The following ERI3 variants were observed in gnomAD, a reference collection of about 807,000 sequenced individuals.
The protein encoded by ERI3 is ERI1 exoribonuclease 3.
In ERI3, 18 loss-of-function variants were observed where a neutral mutation model predicts 44.4. The ratio of observed to expected loss-of-function variants is 0.41; its 90% CI spans 0.28 to 0.60. ERI3 has a LOEUF of 0.60. ERI3 is among the 20% of genes least tolerant of loss of function. ERI3 has a pLI of 0.36. For missense variants in ERI3, 294 were observed against 435.5 expected (o/e 0.68, Z 2.89); for synonymous variants, 183 against 164.8 (o/e 1.11, Z -0.84).
chr1:44,235,576 G>C lies in ERI3; in HGVS notation c.931+12363C>G, dbSNP rs1039202229. 3.3e-5 allele frequency among the ~76,000 whole-genome samples: 5 copies of C among 152,156 alleles called. No individual in the cohort carries two copies. The East Asian group carries it at 9.6e-4, about 29-fold the overall frequency. ...AAGGACTAGAGGAAAAGAAAGAGGGGCAAGATCACACGCAAACCTACTCCA... is the reference window on the plus strand; with the variant it reads ...AAGGACTAGAGGAAAAGAAAGAGGGCCAAGATCACACGCAAACCTACTCCA... On this transcript the variant is annotated intron_variant, in intron 8 of 8. Coordinates refer to ENST00000372257, the MANE Select transcript of ERI3 (RefSeq NM_024066.3). The surrounding 1 kb of genome is among the most constrained non-coding windows in gnomAD (Gnocchi z 4.6).
chr1:44,285,784 G>A (rs958301394), intron 6 of ERI3, among the ~76,000 whole-genome samples: 1 of 152,220 alleles, frequency 6.6e-6, no homozygotes, highest in Non-Finnish European at 1.5e-5. Context: ...TTAAGTTGGA[G>A]TATGGGGGCA....
At chr1:44,318,710 G>A (rs866097278) in intron 4 of ERI3, among the ~76,000 whole-genome samples, 3 of 152,216 alleles carry the variant, frequency 2.0e-5, no homozygotes, top group Non-Finnish European at 4.4e-5. Flanking sequence ...GACTGTTTGG[G>A]ATAACTCAAG....
chr1:44,237,246 G>C (rs370545345), intron 8 of ERI3, among the ~76,000 whole-genome samples: 1 of 152,154 alleles, frequency 6.6e-6, no homozygotes, highest in East Asian at 1.9e-4. Context: ...TCCCACAAAG[G>C]AGCATCTCTC....
At chr1:44,236,493 A>G (rs975818811) in intron 8 of ERI3, among the ~76,000 whole-genome samples, 1 of 152,228 alleles carries the variant, frequency 6.6e-6, no homozygotes, top group African/African-American at 2.4e-5. Flanking sequence ...AGTCAGGGAA[A>G]GCATTCCTGA....
intron 3 of ERI3, among the ~76,000 whole-genome samples, chr1:44,326,344 G>A (rs371038114): frequency 4.2e-4 from 64 of 152,186 alleles, no homozygotes; most frequent in Non-Finnish European, 5.9e-4. Flanking sequence ...AAGAGGGTAA[G>A]TTGGATGGGA....
At chr1:44,273,352 A>G (rs1645123485) in intron 7 of ERI3, among the ~76,000 whole-genome samples, 1 of 152,206 alleles carries the variant, frequency 6.6e-6, no homozygotes, top group Non-Finnish European at 1.5e-5. Flanking sequence ...CCTAAGATAC[A>G]TGGTCTGGAG....
rs576962670 is a variant in ERI3, at chr1:44,307,451, T to C, written c.758+859A>G. The stretch of plus-strand genomic sequence containing the variant: ...CACACACAGAGACACACACACGGAA[T>C]ACTTGCTGCTACCTTCAGTCACAAT... On this transcript the variant is annotated intron_variant, in intron 6 of 8. Transcript: ENST00000372257. Among the ~76,000 whole-genome samples, 10 of 152,186 alleles carry C rather than the reference T, an allele frequency of 6.6e-5. 2 individuals are homozygous for C. Among genetic ancestry groups the C allele is most frequent in the African/African-American group, 2.4e-4 (10 of 41,516 alleles).
At chr1:44,287,512 AC>A (rs1244388524) in intron 6 of ERI3, among the ~76,000 whole-genome samples, 1 of 152,244 alleles carries the variant, frequency 6.6e-6, no homozygotes, top group Non-Finnish European at 1.5e-5. Flanking sequence ...CTACTCTCAA[AC>A]ATCCAAGTGG....
rs149604480 is a variant in ERI3, at chr1:44,299,180, T to C, written c.758+9130A>G. ...TATTTATGCATCTGTACCTATTTCA[T>C]ACCTCAATTTTTTTTTTTAAGAGAC... On this transcript the variant is annotated intron_variant, in intron 6 of 8. Coordinates refer to ENST00000372257, the MANE Select transcript of ERI3 (RefSeq NM_024066.3). 1.2e-3 allele frequency among the ~76,000 whole-genome samples: 188 copies of C among 152,028 alleles called. 1 individual carries two copies. Among genetic ancestry groups the C allele is most frequent in the African/African-American group, 4.4e-3 (184 of 41,508 alleles).
At position 44,339,005 on chromosome 1, in the gene ERI3, G is replaced by GC. The variant is rs200391467; in HGVS notation, c.489+39dup. The GC allele has an allele frequency of 1.1e-3, 1,828 of 1,590,638 alleles. 17 individuals carry two copies. The African/African-American group carries it at 0.017, about 15-fold the overall frequency. ...GCAAAACTATCCTCCCTCCCTCCTT[G>GC]CCCCCCCCACCTTTTCTAAAGCAAT... On this transcript the variant is annotated intron_variant, in intron 3 of 8. Coordinates refer to ENST00000372257, the MANE Select transcript of ERI3 (RefSeq NM_024066.3).
In ERI3 at chr1:44,354,951, CG is replaced by C. The variant is rs1296485121; in HGVS notation, c.75del (p.Ala26ProfsTer43). 1.5e-6 allele frequency: 2 copies of C among 1,339,402 alleles called. No individual in the cohort carries two copies. Among genetic ancestry groups the C allele is most frequent in the Non-Finnish European group, 1.9e-6 (2 of 1,037,642 alleles). 83.0% of individuals were successfully genotyped at this position (1,339,402 alleles called of 1,614,324 possible). A position where few individuals can be genotyped will look rare whatever the true frequency, so the allele number is the denominator to read the frequency against. ...GTCCAGGGGAGAGTAAGGGGAGGGG[CG>C]GGGGGCCAGGAGACCAGCCCTCCTT... ...PWEGGLVSWP[P>X]APPLTLPWTW... On this transcript the variant is annotated frameshift_variant, in exon 1 of 9. Transcript: ENST00000372257. LOFTEE classifies it high-confidence loss of function.
intron 8 of ERI3, among the ~76,000 whole-genome samples, chr1:44,240,035 G>C (rs1215274345): frequency 3.3e-5 from 5 of 152,246 alleles, no homozygotes; most frequent in Non-Finnish European, 7.3e-5. Flanking sequence ...AGCCCTGCCT[G>C]GTGGGAGGGT....
intron 8 of ERI3, among the ~76,000 whole-genome samples, chr1:44,233,126 CAG>C (rs1408606273): frequency 6.6e-6 from 1 of 152,212 alleles, no homozygotes; most frequent in Non-Finnish European, 1.5e-5. Flanking sequence ...CTTACAAAAT[CAG>C]AGTCATCAGC....
intron 6 of ERI3, among the ~76,000 whole-genome samples, chr1:44,298,807 A>G (rs917152661): frequency 1.3e-5 from 2 of 152,190 alleles, no homozygotes; most frequent in African/African-American, 4.8e-5. Flanking sequence ...AGTCCCAGCT[A>G]CTCGGAAGGT....
intron 7 of ERI3, among the ~76,000 whole-genome samples, chr1:44,276,779 CTGCTCTCTTACCAAT>C (rs1310510926): frequency 1.3e-5 from 2 of 152,210 alleles, no homozygotes; most frequent in East Asian, 3.8e-4. Context: ...ATCTTGCCAA[CTGCTCTCTTACCAAT>C]ATTTTCAATT....
rs1035258229 is a variant in ERI3 at position 44,235,657 on chromosome 1, T to A, written c.931+12282A>T. On this transcript the variant is annotated intron_variant, in intron 8 of 8. Coordinates refer to ENST00000372257, the MANE Select transcript of ERI3 (RefSeq NM_024066.3). The surrounding 1 kb of genome is among the most constrained non-coding windows in gnomAD (Gnocchi z 4.6). ...ATGCCCAGGCCCTGAAACCCTGTCATGGTCTTTGTCTCCAGCTTCCAAAGC... is the reference window on the plus strand; with the variant it reads ...ATGCCCAGGCCCTGAAACCCTGTCAAGGTCTTTGTCTCCAGCTTCCAAAGC... 2.6e-5 allele frequency among the ~76,000 whole-genome samples: 4 copies of A among 152,346 alleles called. No homozygotes were observed. Among genetic ancestry groups the A allele is most frequent in the African/African-American group, 7.2e-5 (3 of 41,592 alleles).
chr1:44,259,920 T>TAGAG (rs778936296), intron 7 of ERI3, among the ~76,000 whole-genome samples: 2 of 129,636 alleles, frequency 1.5e-5, no homozygotes, highest in Non-Finnish European at 3.4e-5. Context: ...GATAGATAGA[T>TAGAG]AGACAGACAG....
At chr1:44,330,755 T>C (rs919094102) in intron 3 of ERI3, among the ~76,000 whole-genome samples, 1 of 152,126 alleles carries the variant, frequency 6.6e-6, no homozygotes, top group Non-Finnish European at 1.5e-5. Flanking sequence ...TGTAAGAATG[T>C]GGGGGTTTTT....
chr1:44,325,173 G>A (rs1377287251), intron 3 of ERI3, among the ~76,000 whole-genome samples: 28 of 150,742 alleles, frequency 1.9e-4, no homozygotes, highest in African/African-American at 5.9e-4. Context: ...CGCCTCCCGG[G>A]TTCAAGCAAT....
Sources: gnomAD v4.1 joint callset for allele counts (sites outside exome capture counted in the v4.1 genomes callset) on GRCh38, gnomAD v4.1.1 for gene constraint, Gnocchi (gnomAD v3.1) non-coding constraint, MANE v1.5 for transcripts, NCBI Gene and HGNC (gene_info 2026-07-23, HGNC 2026-07-21) for gene names.